CDKAL1: variants seen among roughly 807,000 people sequenced by gnomAD.
CDKAL1 encodes the protein threonylcarbamoyladenosine tRNA methylthiotransferase.
A neutral mutation model predicts 68.2 loss-of-function variants in CDKAL1; 32 were observed. That is an observed-to-expected ratio of 0.47 (90% CI 0.35 to 0.63). The LOEUF (loss-of-function observed/expected upper bound fraction) is 0.63. Among genes scored for constraint, CDKAL1 ranks in the 30% least tolerant of loss-of-function variants. The probability of loss-of-function intolerance (pLI) is 0.00; values close to 1 mark genes in which losing one functional copy is unlikely to be tolerated. For missense variants in CDKAL1, 606 were observed against 696.7 expected, an observed-to-expected ratio of 0.87 and a Z score of 1.47; for synonymous variants, 234 against 244.3, an observed-to-expected ratio of 0.96 and a Z score of 0.39.
At position 20,936,105 on chromosome 6, in the gene CDKAL1, C is replaced by T. The variant is rs538691625; in HGVS notation, c.743-19314C>T. On this transcript the variant is annotated intron_variant, in intron 9 of 15. Coordinates refer to ENST00000274695, the MANE Select transcript of CDKAL1 (RefSeq NM_017774.3). ...ACCTCAAAAACATAGAATAATTATT[C>T]TTTTCTAATGCCTGCTGACAATATT... 5.3e-5 allele frequency among the ~76,000 whole-genome samples: 8 copies of T among 152,160 alleles called. No homozygotes were observed. In the South Asian group the frequency reaches 1.5e-3, roughly 28 times the overall value.
chr6:20,843,761 A>G (rs527284707), intron 8 of CDKAL1, among the ~76,000 whole-genome samples: 9 of 152,302 alleles, frequency 5.9e-5, no homozygotes, highest in African/African-American at 9.6e-5. Context: ...TGGTCAACCA[A>G]TAGCTTCCAT....
chr6:20,717,720 T>A (rs1291830120), intron 5 of CDKAL1, among the ~76,000 whole-genome samples: 1 of 152,218 alleles, frequency 6.6e-6, no homozygotes, highest in Non-Finnish European at 1.5e-5. Context: ...AATATATGTC[T>A]GAATATGTTT....
At chr6:20,786,994 T>G (rs1030625922) in intron 8 of CDKAL1, among the ~76,000 whole-genome samples, 1 of 152,356 alleles carries the variant, frequency 6.6e-6, no homozygotes, top group East Asian at 1.9e-4. Context: ...AGTTAGATGC[T>G]GCTTAACAGT....
intron 11 of CDKAL1, among the ~76,000 whole-genome samples, chr6:21,050,418 C>G (rs529558892): frequency 1.4e-4 from 22 of 152,260 alleles, no homozygotes; most frequent in African/African-American, 5.3e-4. Flanking sequence ...GTACTGCGCC[C>G]AAGAAGGAGG....
chr6:20,813,062 A>AT (rs1225783181), intron 8 of CDKAL1, among the ~76,000 whole-genome samples: 1 of 152,070 alleles, frequency 6.6e-6, no homozygotes, highest in Non-Finnish European at 1.5e-5. Flanking sequence ...GATTTCTTTA[A>AT]TGACTAATGA....
chr6:20,813,553 T>C (rs1776911398), intron 8 of CDKAL1, among the ~76,000 whole-genome samples: 1 of 152,230 alleles, frequency 6.6e-6, no homozygotes, highest in African/African-American at 2.4e-5. Flanking sequence ...TGTTTGTCTT[T>C]TCTCCCTAGA....
intron 11 of CDKAL1, among the ~76,000 whole-genome samples, chr6:21,055,981 C>T (rs958088235): frequency 5.3e-5 from 8 of 152,138 alleles, no homozygotes; most frequent in African/African-American, 1.7e-4. Context: ...AATTTACATC[C>T]CCACCAACAG....
chr6:21,117,487 A>G (rs576948989), intron 13 of CDKAL1, among the ~76,000 whole-genome samples: 1 of 149,920 alleles, frequency 6.7e-6, no homozygotes, highest in South Asian at 2.1e-4. Context: ...AAAAAAAACT[A>G]CAAAAATCAG....
At chr6:20,536,994 A>G (rs560662162) in intron 2 of CDKAL1, among the ~76,000 whole-genome samples, 4 of 152,270 alleles carry the variant, frequency 2.6e-5, no homozygotes, top group African/African-American at 9.6e-5. Context: ...TCAGAGATTC[A>G]TTCAGCTATC....
chr6:21,039,300 A>G (rs1769776724), intron 11 of CDKAL1, among the ~76,000 whole-genome samples: 1 of 151,890 alleles, frequency 6.6e-6, no homozygotes, highest in Admixed American at 6.6e-5. Context: ...ATCTCCCCAA[A>G]CCCCCAAGTC....
intron 9 of CDKAL1, among the ~76,000 whole-genome samples, chr6:20,921,157 A>G (rs1020244670): frequency 7.9e-5 from 12 of 152,200 alleles, no homozygotes; most frequent in Admixed American, 3.9e-4. Context: ...CTGGCAAGGC[A>G]CGGTGGCTCA....
intron 5 of CDKAL1, among the ~76,000 whole-genome samples, chr6:20,678,898 ATGTTTT>A (rs1168807388): frequency 1.3e-5 from 2 of 151,688 alleles, no homozygotes; most frequent in Non-Finnish European, 2.9e-5. Flanking sequence ...TTCATTGCCT[ATGTTTT>A]TGTTTTTGTT....
chr6:21,066,232 C>G lies in CDKAL1; in HGVS notation c.1236+1004C>G, dbSNP rs533124468. On this transcript the variant is annotated intron_variant, in intron 12 of 15. Coordinates refer to ENST00000274695, the MANE Select transcript of CDKAL1 (RefSeq NM_017774.3). The stretch of plus-strand genomic sequence containing the variant: ...AAATCAAAAGTGAATATCATAAAAC[C>G]AAAATGAAGAGCATTATTTGTTTTC... Among the ~76,000 whole-genome samples, 7 of 151,712 alleles carry G rather than the reference C, an allele frequency of 4.6e-5. No individual in the cohort carries two copies. In the East Asian group the frequency reaches 1.4e-3, roughly 30 times the overall value.
intron 15 of CDKAL1, among the ~76,000 whole-genome samples, chr6:21,201,823 T>C (rs955124019): frequency 2.0e-5 from 3 of 152,172 alleles, no homozygotes; most frequent in African/African-American, 4.8e-5. Flanking sequence ...CCTTGGTAAA[T>C]ATGGCCGTTT....
intron 9 of CDKAL1, among the ~76,000 whole-genome samples, chr6:20,954,269 G>A (rs954800636): frequency 2.0e-5 from 3 of 152,008 alleles, no homozygotes; most frequent in South Asian, 2.1e-4. Context: ...TTAAGTCCAC[G>A]TTCACATAAA....
chr6:21,214,968 C>T (rs1028197968), intron 15 of CDKAL1, among the ~76,000 whole-genome samples: 8 of 152,176 alleles, frequency 5.3e-5, no homozygotes, highest in Non-Finnish European at 1.0e-4. Context: ...GACCAAAAAG[C>T]TGGTTATCCT....
At chr6:20,827,708 C>T (rs1025569418) in intron 8 of CDKAL1, among the ~76,000 whole-genome samples, 1 of 152,042 alleles carries the variant, frequency 6.6e-6, no homozygotes, top group African/African-American at 2.4e-5. Context: ...TGCAAAGTTC[C>T]AAATTGAAGA....
intron 8 of CDKAL1, among the ~76,000 whole-genome samples, chr6:20,794,170 T>A (rs529380059): frequency 3.3e-4 from 51 of 152,250 alleles, no homozygotes; most frequent in Non-Finnish European, 5.6e-4. Flanking sequence ...TTTCTGTATC[T>A]GCTTTTTCTT....
chr6:20,974,443 A>G (rs777424069), intron 10 of CDKAL1, among the ~76,000 whole-genome samples: 2 of 152,188 alleles, frequency 1.3e-5, no homozygotes, highest in Non-Finnish European at 2.9e-5. Context: ...TCTTTGCCAC[A>G]ACTTCACATT....
Sources: allele counts gnomAD v4.1 joint callset (sites outside exome capture counted in the v4.1 genomes callset), GRCh38; gene constraint gnomAD v4.1.1; transcripts MANE v1.5; gene names NCBI Gene and HGNC (gene_info 2026-07-23, HGNC 2026-07-21).